The following TRPC4 variants were observed in gnomAD, a reference collection of about 807,000 sequenced individuals.
The protein encoded by TRPC4 is short transient receptor potential channel 4.
In TRPC4, 49 loss-of-function variants were observed where a neutral mutation model predicts 99.4. That is an observed-to-expected ratio of 0.49 (90% CI 0.39 to 0.63). TRPC4 has a LOEUF of 0.63. TRPC4 is among the 20% of genes least tolerant of loss of function. TRPC4 has a pLI of 0.00. For synonymous variants in TRPC4, 454 were observed against 425.9 expected (o/e 1.07, Z -0.81); for missense variants, 898 against 1,152.9 (o/e 0.78, Z 3.20).
intron 1 of TRPC4, among the ~76,000 whole-genome samples, chr13:37,828,499 A>G (rs970591672): frequency 6.6e-6 from 1 of 152,208 alleles, no homozygotes; most frequent in Non-Finnish European, 1.5e-5. Context: ...CACCCAAAGG[A>G]ATATAAATTA....
In TRPC4 at chr13:37,831,777, C is replaced by T. The variant is rs114384643; in HGVS notation, c.-28+37818G>A. ...GGACATTATGCTAAATGAAATAATC[C>T]GAGCACAGAGAGACAAATACTTGCA... On this transcript the variant is annotated intron_variant, in intron 1 of 10. Transcript: ENST00000379705. 3.1e-3 allele frequency among the ~76,000 whole-genome samples: 476 copies of T among 152,144 alleles called. 3 individuals are homozygous for T. The highest frequency in any genetic ancestry group is 0.011 in the African/African-American group (452 of 41,494).
At chr13:37,717,125 A>G (rs1954703470) in intron 3 of TRPC4, among the ~76,000 whole-genome samples, 1 of 152,178 alleles carries the variant, frequency 6.6e-6, no homozygotes, top group African/African-American at 2.4e-5. Context: ...AACATTTTAC[A>G]GGGAGTTATA....
At chr13:37,837,155 C>T (rs1175676014) in intron 1 of TRPC4, among the ~76,000 whole-genome samples, 1 of 152,198 alleles carries the variant, frequency 6.6e-6, no homozygotes, top group Non-Finnish European at 1.5e-5. Flanking sequence ...CACCCAGATG[C>T]CCAGGCAGAA....
At chr13:37,713,300 C>T (rs941683892) in intron 3 of TRPC4, among the ~76,000 whole-genome samples, 1 of 152,128 alleles carries the variant, frequency 6.6e-6, no homozygotes, top group African/African-American at 2.4e-5. Flanking sequence ...AACTGTATTA[C>T]TTACATGACC....
intron 1 of TRPC4, among the ~76,000 whole-genome samples, chr13:37,817,888 T>C (rs550709275): frequency 9.9e-5 from 15 of 151,836 alleles, no homozygotes; most frequent in Admixed American, 9.9e-4. Flanking sequence ...AATCAACTCA[T>C]GATGAATTAA....
chr13:37,659,250 C>T (rs1297312978), intron 6 of TRPC4, among the ~76,000 whole-genome samples: 3 of 151,964 alleles, frequency 2.0e-5, no homozygotes, highest in Admixed American at 6.6e-5. Flanking sequence ...TGAGTTCTCA[C>T]ACTATCAGTT....
chr13:37,811,227 T>G (rs976716221), intron 1 of TRPC4, among the ~76,000 whole-genome samples: 20 of 152,124 alleles, frequency 1.3e-4, no homozygotes, highest in Admixed American at 6.6e-4. Context: ...TGGCAACATA[T>G]GCCAAAATAC....
At chr13:37,773,392 CCAAA>C (rs960877741) in intron 2 of TRPC4, among the ~76,000 whole-genome samples, 2 of 151,772 alleles carry the variant, frequency 1.3e-5, no homozygotes, top group African/African-American at 4.8e-5. Context: ...AAAATACATA[CCAAA>C]CAGTCAAAGA....
At chr13:37,814,549 C>T (rs1161921803) in intron 1 of TRPC4, among the ~76,000 whole-genome samples, 1 of 151,638 alleles carries the variant, frequency 6.6e-6, no homozygotes, top group East Asian at 1.9e-4. Context: ...AGAAACAGTT[C>T]CATGTAAAAC....
intron 3 of TRPC4, among the ~76,000 whole-genome samples, chr13:37,693,025 C>T (rs1353747614): frequency 6.6e-6 from 1 of 151,948 alleles, no homozygotes; most frequent in Admixed American, 6.6e-5. Flanking sequence ...TGGCATCATT[C>T]TATCCTGACA....
At chr13:37,820,907 C>A (rs1384602765) in intron 1 of TRPC4, among the ~76,000 whole-genome samples, 4 of 151,856 alleles carry the variant, frequency 2.6e-5, no homozygotes, top group African/African-American at 9.7e-5. Context: ...ACCACTCCTA[C>A]TGAAGATAGT....
chr13:37,731,444 T>A (rs1192747699), intron 3 of TRPC4, among the ~76,000 whole-genome samples: 1 of 151,914 alleles, frequency 6.6e-6, no homozygotes, highest in Non-Finnish European at 1.5e-5. Context: ...CAGAGACATA[T>A]TGGCAACAAT....
chr13:37,820,054 C>G (rs1391429160), intron 1 of TRPC4, among the ~76,000 whole-genome samples: 3 of 151,240 alleles, frequency 2.0e-5, no homozygotes, highest in African/African-American at 7.3e-5. Flanking sequence ...ACTAGCTAGA[C>G]AAAGATATAA....
chr13:37,702,969 G>C (rs1412937943), intron 3 of TRPC4, among the ~76,000 whole-genome samples: 1 of 151,940 alleles, frequency 6.6e-6, no homozygotes, highest in Admixed American at 6.6e-5. Context: ...TATGCAATGG[G>C]ATGAAAAAAA....
In TRPC4 at chr13:37,632,366, T is replaced by A. The variant is rs1951414566; in HGVS notation, c.*4537A>T. Among the ~76,000 whole-genome samples, 1 of 152,220 alleles carries A rather than the reference T, an allele frequency of 6.6e-6. No individual in the cohort carries two copies. Among genetic ancestry groups the A allele is most frequent in the East Asian group, 1.9e-4 (1 of 5,200 alleles). On this transcript the variant is annotated 3_prime_UTR_variant, in exon 11 of 11. Coordinates refer to ENST00000379705, the MANE Select transcript of TRPC4 (RefSeq NM_016179.4). ...CTATCAGTTCAATATGTAGCCAACATAAAATATTTATGAGCTAGTTTACAT... is the reference window on the plus strand; with the variant it reads ...CTATCAGTTCAATATGTAGCCAACAAAAAATATTTATGAGCTAGTTTACAT...
intron 7 of TRPC4, among the ~76,000 whole-genome samples, chr13:37,651,780 G>A (rs1236933318): frequency 1.3e-5 from 2 of 152,182 alleles, no homozygotes; most frequent in Non-Finnish European, 1.5e-5. Context: ...GTAGACTCAT[G>A]TTAGTGCAGT....
intron 4 of TRPC4, among the ~76,000 whole-genome samples, chr13:37,689,908 G>A (rs988262240): frequency 1.3e-5 from 2 of 152,062 alleles, no homozygotes; most frequent in Non-Finnish European, 2.9e-5. Context: ...CCTTACTTTT[G>A]TATCACTATC....
intron 1 of TRPC4, among the ~76,000 whole-genome samples, chr13:37,841,327 G>A (rs1308927475): frequency 1.3e-5 from 2 of 151,844 alleles, no homozygotes; most frequent in Admixed American, 6.6e-5. Flanking sequence ...TTTCTTTCCT[G>A]CAAAAATTTG....
At chr13:37,814,662 A>C (rs1169671250) in intron 1 of TRPC4, among the ~76,000 whole-genome samples, 2 of 151,812 alleles carry the variant, frequency 1.3e-5, no homozygotes, top group African/African-American at 4.8e-5. Flanking sequence ...AAAACTGCAG[A>C]ATGTCATTGA....
Sources: allele counts gnomAD v4.1 joint callset (sites outside exome capture counted in the v4.1 genomes callset), GRCh38; gene constraint gnomAD v4.1.1; transcripts MANE v1.5; gene names NCBI Gene and HGNC (gene_info 2026-07-23, HGNC 2026-07-21).